The following TACC1 variants were observed in gnomAD, a reference collection of about 807,000 sequenced individuals.
TACC1 encodes transforming acidic coiled-coil-containing protein 1.
Under a neutral mutation model 84.4 loss-of-function variants are expected in TACC1, and 48 were observed. That is an observed-to-expected ratio of 0.57 (90% CI 0.45 to 0.72). The LOEUF (loss-of-function observed/expected upper bound fraction) is 0.72. Ranked by LOEUF, TACC1 falls within the 30% of genes least tolerant of loss-of-function variation. The pLI, the probability that TACC1 is intolerant of heterozygous loss-of-function variation, is 0.00. For missense variants in TACC1, 920 were observed against 973.0 expected (o/e 0.95, Z 0.72); for synonymous variants, 372 against 376.3 (o/e 0.99, Z 0.13).
intron 3 of TACC1, among the ~76,000 whole-genome samples, chr8:38,821,728 A>G (rs1350644558): frequency 6.6e-6 from 1 of 152,210 alleles, no homozygotes; most frequent in Non-Finnish European, 1.5e-5. Flanking sequence ...CTTTATCACA[A>G]AACTTGAGTA....
chr8:38,812,477 C>T (rs1454082338), intron 2 of TACC1, among the ~76,000 whole-genome samples: 1 of 152,148 alleles, frequency 6.6e-6, no homozygotes, highest in Non-Finnish European at 1.5e-5. Flanking sequence ...ATAGAAAGAA[C>T]CTACGTTGAA....
intron 1 of TACC1, among the ~76,000 whole-genome samples, chr8:38,736,762 G>A (rs1009095160): frequency 5.3e-5 from 8 of 152,156 alleles, no homozygotes; most frequent in African/African-American, 1.9e-4. Context: ...ACACATTTAT[G>A]GATACCTTCA....
intron 3 of TACC1, among the ~76,000 whole-genome samples, chr8:38,820,904 T>C (rs1465299235): frequency 6.6e-6 from 1 of 152,088 alleles, no homozygotes; most frequent in East Asian, 1.9e-4. Context: ...CTAGAGACTT[T>C]TTTATGTTTA....
At chr8:38,741,355 C>T (rs1807035012) in intron 1 of TACC1, among the ~76,000 whole-genome samples, 1 of 152,080 alleles carries the variant, frequency 6.6e-6, no homozygotes, top group Admixed American at 6.6e-5. Flanking sequence ...GATGGGGTTT[C>T]ACCATGTTGG....
chr8:38,801,427 G>A (rs767442251), intron 2 of TACC1, among the ~76,000 whole-genome samples: 10 of 152,164 alleles, frequency 6.6e-5, no homozygotes, highest in Non-Finnish European at 1.2e-4. Flanking sequence ...TCATTCTTTT[G>A]CATGTGGATA....
At chr8:38,774,835 A>G (rs1363089871) in intron 3 of TACC1, among the ~76,000 whole-genome samples, 1 of 151,732 alleles carries the variant, frequency 6.6e-6, no homozygotes, top group East Asian at 1.9e-4. Context: ...ACATGGTGAA[A>G]CCCCCTCTCT....
At chr8:38,800,847 A>AT in intron 2 of TACC1, among the ~76,000 whole-genome samples, 1 of 152,150 alleles carries the variant, frequency 6.6e-6, no homozygotes. Context: ...TGGCTGCACT[A>AT]TTTTACATTT....
At chr8:38,788,541 C>T in intron 1 of TACC1, 163 bp from the exon 2 acceptor site, 1 of 575,400 alleles carries the variant, frequency 1.7e-6, no homozygotes, top group South Asian at 2.2e-5. Context: ...GGGCACTGCT[C>T]AGAGACCGCA....
At chr8:38,730,460 G>T (rs1804700117) in intron 1 of TACC1, among the ~76,000 whole-genome samples, 1 of 152,228 alleles carries the variant, frequency 6.6e-6, no homozygotes. Flanking sequence ...CTTCCTTTAT[G>T]ATAACAGATT....
intron 2 of TACC1, among the ~76,000 whole-genome samples, chr8:38,811,644 A>T (rs567393146): frequency 9.2e-5 from 14 of 152,346 alleles, no homozygotes; most frequent in Admixed American, 7.2e-4. Context: ...TGCCTGTCTT[A>T]CTTTAATCTC....
chr8:38,792,551 C>T lies in TACC1; in HGVS notation c.277+3732C>T, dbSNP rs186532157. 8.3e-4 allele frequency among the ~76,000 whole-genome samples: 126 copies of T among 152,206 alleles called. 2 individuals are homozygous for T. The South Asian group carries it at 0.022, about 27-fold the overall frequency. ...TGCGATCTCGGCTCACTGCAAGCTC[C>T]GCCTCCTGGGTTCACGCCATTCTTC... On this transcript the variant is annotated intron_variant, in intron 2 of 12. Coordinates refer to ENST00000317827, the MANE Select transcript of TACC1 (RefSeq NM_006283.3).
intron 10 of TACC1, among the ~76,000 whole-genome samples, chr8:38,842,674 C>T (rs1563968459): frequency 1.3e-5 from 2 of 152,224 alleles, no homozygotes; most frequent in African/African-American, 2.4e-5. Flanking sequence ...CTTGGCCATT[C>T]CTCTCCTGTG....
intron 3 of TACC1, among the ~76,000 whole-genome samples, chr8:38,780,367 T>C (rs1240110324): frequency 6.6e-6 from 1 of 152,204 alleles, no homozygotes; most frequent in East Asian, 1.9e-4. Flanking sequence ...TTTTGTTGTT[T>C]GTTCTTTTTT....
intron 3 of TACC1, among the ~76,000 whole-genome samples, chr8:38,769,919 TTGTG>T (rs1351170991): frequency 1.4e-5 from 2 of 139,688 alleles, no homozygotes; most frequent in Non-Finnish European, 3.1e-5. Flanking sequence ...GTGTGTGTGA[TTGTG>T]TGGTGTGTGT....
chr8:38,770,523 GA>G (rs1397909222), intron 3 of TACC1, among the ~76,000 whole-genome samples: 4 of 152,124 alleles, frequency 2.6e-5, no homozygotes, highest in Admixed American at 1.3e-4. Context: ...CCAGAGGCTT[GA>G]GATCTGTGAA....
At chr8:38,793,657 G>C (rs1286834386) in intron 2 of TACC1, among the ~76,000 whole-genome samples, 2 of 152,058 alleles carry the variant, frequency 1.3e-5, no homozygotes, top group African/African-American at 2.4e-5. Flanking sequence ...TGCCCAGGCT[G>C]ATCTTGAGCT....
chr8:38,842,457 T>G lies in TACC1; in HGVS notation c.2121+10T>G. 1 of 1,596,750 alleles carries G rather than the reference T, an allele frequency of 6.3e-7. No homozygotes were observed. Among genetic ancestry groups the G allele is most frequent in the East Asian group, 2.2e-5 (1 of 44,648 alleles). On this transcript the variant is annotated intron_variant, in intron 10 of 12. Transcript: ENST00000317827. ...GGAAGGGTTCAAGAAGGTAGAGTGT[T>G]TTTTCCCTCTGTCTCCTGGTGTATT...
intron 6 of TACC1, among the ~76,000 whole-genome samples, chr8:38,833,933 C>T (rs1268773576): frequency 6.6e-6 from 1 of 152,160 alleles, no homozygotes; most frequent in Non-Finnish European, 1.5e-5. Flanking sequence ...CTCAACTTGA[C>T]CTCCTGTATT....
intron 3 of TACC1, among the ~76,000 whole-genome samples, chr8:38,771,172 G>A (rs902444961): frequency 2.0e-5 from 3 of 152,164 alleles, no homozygotes; most frequent in African/African-American, 7.2e-5. Flanking sequence ...GGAAAGAGAC[G>A]GGGAGAGAAG....
Sources: allele counts gnomAD v4.1 joint callset (sites outside exome capture counted in the v4.1 genomes callset), GRCh38; gene constraint gnomAD v4.1.1; transcripts MANE v1.5; gene names NCBI Gene and HGNC (gene_info 2026-07-23, HGNC 2026-07-21).